Variants in PSKH2 observed in about 807,000 individuals in gnomAD.
PSKH2 encodes the protein serine/threonine-protein kinase H2.
Under a neutral mutation model 22.5 loss-of-function variants are expected in PSKH2, and 16 were observed. The observed-to-expected ratio is 0.71, with a 90% CI of 0.48 to 1.08. The LOEUF is 1.08. Ranked by LOEUF, PSKH2 falls within the 50% of genes least tolerant of loss-of-function variation. The probability of loss-of-function intolerance (pLI) is 0.00; values close to 1 mark genes in which losing one functional copy is unlikely to be tolerated. For missense variants in PSKH2, 516 were observed against 492.8 expected (o/e 1.05, Z -0.44); for synonymous variants, 188 against 184.8 (o/e 1.02, Z -0.14).
rs538649498 is a variant in PSKH2, at chr8:86,049,822, G to A, written c.853-1055C>T. Among the ~76,000 whole-genome samples, 38 of 149,862 alleles carry A rather than the reference G, an allele frequency of 2.5e-4. 2 individuals carry two copies. The highest frequency in any genetic ancestry group is 9.4e-4 in the African/African-American group (38 of 40,626). ...GAAGAGAGAAAGAGGAAGAAAGAAA[G>A]GAAGAAAGGCAGAGAGAGAGAGAAA... On this transcript the variant is annotated intron_variant, in intron 2 of 2. Coordinates refer to ENST00000276616, the MANE Select transcript of PSKH2 (RefSeq NM_033126.3).
chr8:86,055,401 T>C (rs1045074091), intron 2 of PSKH2, among the ~76,000 whole-genome samples: 54 of 152,326 alleles, frequency 3.5e-4, no homozygotes, highest in African/African-American at 1.3e-3. Context: ...GATGAAGGTT[T>C]ATATCCATTC....
intron 2 of PSKH2, among the ~76,000 whole-genome samples, chr8:86,062,174 A>G (rs1209261083): frequency 6.6e-6 from 1 of 152,206 alleles, no homozygotes; most frequent in Non-Finnish European, 1.5e-5. Context: ...TTGGCAGTAT[A>G]TTGTGAAAAT....
chr8:86,063,699 C>A (rs1817809573), intron 2 of PSKH2, among the ~76,000 whole-genome samples: 1 of 152,190 alleles, frequency 6.6e-6, no homozygotes, highest in African/African-American at 2.4e-5. Context: ...GTAATGGAGG[C>A]CCTTGCTATC....
intron 1 of PSKH2, 128 bp from the exon 2 acceptor site, chr8:86,064,759 C>T (rs961943437): frequency 2.6e-6 from 2 of 780,060 alleles, no homozygotes; most frequent in Admixed American, 6.0e-5. Context: ...TTTATTATTA[C>T]TTGTGTTTAT....
intron 2 of PSKH2, among the ~76,000 whole-genome samples, chr8:86,060,036 T>C (rs1304127800): frequency 6.6e-6 from 1 of 152,208 alleles, no homozygotes; most frequent in Non-Finnish European, 1.5e-5. Context: ...ATAGAAAATA[T>C]CTGACAGTAT....
At position 86,064,342 on chromosome 8, in the gene PSKH2, C is replaced by G. The variant is rs148422779; in HGVS notation, c.475G>C (p.Asp159His). ...LIAQGSFTERDAVRILQMVAD... is the reference protein window; with the variant it reads ...LIAQGSFTERHAVRILQMVAD... ...ACCATCTGGAGGATCCTGACGGCAT[C>G]CCGCTCTGTAAAGGATCCCTGAGCA... The change falls in exon 2 of 3, where the codon GAT (aspartate) becomes CAT (histidine). Residue 159 changes from aspartate (D) to histidine (H), a missense_variant. Physicochemically the swap from Asp to His is moderately conservative, Grantham distance 81 (BLOSUM62 -1). Coordinates refer to ENST00000276616, the MANE Select transcript of PSKH2 (RefSeq NM_033126.3). The G allele has an allele frequency of 5.6e-6, 9 of 1,614,154 alleles. No individual in the cohort carries two copies. The East Asian group carries it at 2.0e-4, about 36-fold the overall frequency.
At chr8:86,049,780 AAAAGAAAGGAAG>A (rs1440070679) in intron 2 of PSKH2, among the ~76,000 whole-genome samples, 2 of 131,642 alleles carry the variant, frequency 1.5e-5, no homozygotes, top group Non-Finnish European at 3.5e-5. Flanking sequence ...AAAAGAAAGA[AAAAGAAAGGAAG>A]AAAGGAAGAG....
upstream of PSKH2, chr8:86,069,696 C>G: frequency 7.1e-7 from 1 of 1,405,410 alleles, no homozygotes; most frequent in South Asian, 1.5e-5. Context: ...CGCCCTTTAT[C>G]AAAGAGCAGC....
chr8:86,057,301 CACACAT>C lies in PSKH2; in HGVS notation c.852+6658_852+6663del, dbSNP rs893799686. On this transcript the variant is annotated intron_variant, in intron 2 of 2. Transcript: ENST00000276616. ...GCATGCATGTACACACACACACACA[CACACAT>C]ACACACAAATGCATGCATCTGAGCT... 3.9e-4 allele frequency among the ~76,000 whole-genome samples: 54 copies of C among 139,106 alleles called. 1 individual carries two copies. Among genetic ancestry groups the C allele is most frequent in the Admixed American group, 3.5e-3 (48 of 13,746 alleles). 91.3% of individuals were successfully genotyped at this position (139,106 alleles called of 152,430 possible).
rs1215540903 is a variant in PSKH2, at chr8:86,069,339, C to T, written c.185+99G>A. Reference sequence around the variant, plus strand: ...GCCTATCATCCGAAAGAACCCTGTCCAAAATTGAGTCAAGCTGAAGGGAAC... The same window carrying T: ...GCCTATCATCCGAAAGAACCCTGTCTAAAATTGAGTCAAGCTGAAGGGAAC... On this transcript the variant is annotated intron_variant, in intron 1 of 2. Transcript: ENST00000276616. The T allele has an allele frequency of 2.5e-6, 3 of 1,182,272 alleles. No homozygotes were observed. In the East Asian group the frequency reaches 8.0e-5, roughly 31 times the overall value. The allele number at this position is 1,182,272 out of a possible 1,614,324, so 73.2% of individuals were successfully genotyped here.
At chr8:86,069,782 T>G (rs1817921656), upstream of PSKH2, 1 of 771,586 alleles carries the variant, frequency 1.3e-6, no homozygotes, top group Non-Finnish European at 1.9e-6. Context: ...GGATACCCGC[T>G]AACGACCGAG....
intron 2 of PSKH2, among the ~76,000 whole-genome samples, chr8:86,056,078 C>T (rs1421200354): frequency 6.6e-6 from 1 of 151,704 alleles, no homozygotes; most frequent in Non-Finnish European, 1.5e-5. Context: ...CACTTGAGAC[C>T]AAGAGTTCAA....
In PSKH2 at chr8:86,068,693, T is replaced by A. The variant is rs1039907365; in HGVS notation, c.185+745A>T. 2.6e-5 allele frequency among the ~76,000 whole-genome samples: 4 copies of A among 152,254 alleles called. No homozygotes were observed. The East Asian group carries it at 7.7e-4, about 29-fold the overall frequency. Reference sequence around the variant, plus strand: ...GGCTGACTCAAAGGCGCATCTCTAGTTCACTCGCTGTAATCCCAATTTTTA... The same window carrying A: ...GGCTGACTCAAAGGCGCATCTCTAGATCACTCGCTGTAATCCCAATTTTTA... On this transcript the variant is annotated intron_variant, in intron 1 of 2. Coordinates refer to ENST00000276616, the MANE Select transcript of PSKH2 (RefSeq NM_033126.3).
rs1193124721 is a variant in PSKH2, at chr8:86,048,512, T to C, written c.1108A>G (p.Ser370Gly). 2 of 1,614,142 alleles carry C rather than the reference T, an allele frequency of 1.2e-6. No homozygotes were observed. Residue 370 changes from serine (S) to glycine (G), a missense_variant, in exon 3 of 3, where the codon AGC becomes GGC. Ser to Gly is a moderately conservative substitution (Grantham distance 56). Coordinates refer to ENST00000276616, the MANE Select transcript of PSKH2 (RefSeq NM_033126.3). The part of the protein sequence containing the change: ...HYSHKSRHMW[S>G]KRNLRIVESP... ...TCTACTATCCTTAAGTTTCTCTTGC[T>C]CCACATATGCCTGGATTTGTGAGAA...
intron 2 of PSKH2, among the ~76,000 whole-genome samples, chr8:86,060,469 T>TA (rs1334974259): frequency 6.6e-6 from 1 of 152,208 alleles, no homozygotes; most frequent in Non-Finnish European, 1.5e-5. Context: ...TATATGGTAA[T>TA]ATGATGACAA....
At chr8:86,049,743 AAAGAAAC>A (rs1817598134) in intron 2 of PSKH2, among the ~76,000 whole-genome samples, 1 of 12,114 alleles carries the variant, frequency 8.3e-5, no homozygotes. Context: ...AGAAAGAAAG[AAAGAAAC>A]GAAAGAAAGA....
chr8:86,059,518 C>T (rs1470810275), intron 2 of PSKH2, among the ~76,000 whole-genome samples: 1 of 152,146 alleles, frequency 6.6e-6, no homozygotes, highest in Non-Finnish European at 1.5e-5. Flanking sequence ...CATGACCCCT[C>T]TCTCCATCTT....
chr8:86,057,814 C>A (rs140950499), intron 2 of PSKH2, among the ~76,000 whole-genome samples: 2 of 152,174 alleles, frequency 1.3e-5, no homozygotes, highest in Non-Finnish European at 2.9e-5. Flanking sequence ...AAATGTGGCC[C>A]TTTTCATGGA....
chr8:86,054,995 CT>C (rs1817681077), intron 2 of PSKH2, among the ~76,000 whole-genome samples: 1 of 152,020 alleles, frequency 6.6e-6, no homozygotes, highest in Non-Finnish European at 1.5e-5. Flanking sequence ...ATGGGTTGGC[CT>C]TTGAACCCCA....
Sources: allele counts gnomAD v4.1 joint callset (sites outside exome capture counted in the v4.1 genomes callset), GRCh38; gene constraint gnomAD v4.1.1; transcripts MANE v1.5; gene names NCBI Gene and HGNC (gene_info 2026-07-23, HGNC 2026-07-21).